Variants in DOCK1 observed in about 807,000 individuals in gnomAD.
The protein encoded by DOCK1 is dedicator of cytokinesis protein 1.
In DOCK1, 138 loss-of-function variants were observed where a neutral mutation model predicts 262.7. The ratio of observed to expected loss-of-function variants is 0.53; its 90% CI spans 0.46 to 0.61. The LOEUF (loss-of-function observed/expected upper bound fraction) is 0.61, where lower values mean the gene tolerates loss of function less well. DOCK1 is among the 20% of genes least tolerant of loss of function. DOCK1 has a pLI of 0.00. For missense variants in DOCK1, 1,908 were observed against 2,370.7 expected (o/e 0.80, Z 4.05); for synonymous variants, 866 against 867.4 (o/e 1.00, Z 0.03).
chr10:127,121,142 A>T (rs1282027107), intron 25 of DOCK1, among the ~76,000 whole-genome samples: 1 of 152,120 alleles, frequency 6.6e-6, no homozygotes, highest in Non-Finnish European at 1.5e-5. Context: ...AAAGTGACCC[A>T]GGTTCCTGGA....
At chr10:127,133,799 A>T (rs1218040691) in intron 27 of DOCK1, among the ~76,000 whole-genome samples, 1 of 152,248 alleles carries the variant, frequency 6.6e-6, no homozygotes, top group Admixed American at 6.5e-5. Flanking sequence ...TAGCATGATG[A>T]CTTTATGCCA....
intron 27 of DOCK1, among the ~76,000 whole-genome samples, chr10:127,148,816 G>A (rs1244082112): frequency 2.0e-5 from 3 of 152,164 alleles, no homozygotes; most frequent in Non-Finnish European, 2.9e-5. Context: ...TAAAGAAAAC[G>A]GAAACTGGAA....
intron 29 of DOCK1, among the ~76,000 whole-genome samples, chr10:127,335,408 A>G (rs1279813816): frequency 1.3e-5 from 2 of 152,162 alleles, no homozygotes; most frequent in Admixed American, 6.5e-5. Flanking sequence ...CTCCCATCCA[A>G]ACACTTGGCT....
intron 23 of DOCK1, among the ~76,000 whole-genome samples, chr10:127,093,500 G>A (rs1000718702): frequency 1.7e-4 from 26 of 151,574 alleles, no homozygotes; most frequent in African/African-American, 5.8e-4. Flanking sequence ...TCACAGACGC[G>A]TGCCATTGCG....
intron 10 of DOCK1, among the ~76,000 whole-genome samples, chr10:127,006,958 T>A (rs2041075713): frequency 6.6e-6 from 1 of 152,110 alleles, no homozygotes; most frequent in Non-Finnish European, 1.5e-5. Flanking sequence ...GATGCTGAAC[T>A]GGTGGTCTCG....
At chr10:127,195,373 A>G (rs1254561148) in intron 27 of DOCK1, among the ~76,000 whole-genome samples, 1 of 152,106 alleles carries the variant, frequency 6.6e-6, no homozygotes, top group African/African-American at 2.4e-5. Flanking sequence ...GGCACCGGGA[A>G]GCCCCGCGGC....
chr10:127,361,927 A>T (rs1193157870), intron 32 of DOCK1, 137 bp from the exon 33 acceptor site: 3 of 961,830 alleles, frequency 3.1e-6, no homozygotes, highest in South Asian at 3.7e-5. Flanking sequence ...TCATCTGCAG[A>T]CGCGAAATGG....
chr10:126,929,681 C>G lies in DOCK1; in HGVS notation c.46+24118C>G, dbSNP rs988920723. Among the ~76,000 whole-genome samples the G allele has an allele frequency of 3.0e-4, 46 of 152,018 alleles. 1 individual carries two copies. Among genetic ancestry groups the G allele is most frequent in the Non-Finnish European group, 6.2e-4 (42 of 68,002 alleles). On this transcript the variant is annotated intron_variant, in intron 1 of 51. Coordinates refer to ENST00000623213, the MANE Select transcript of DOCK1 (RefSeq NM_001290223.2). Reference sequence around the variant, plus strand: ...GCTCAGGCCCGTTTAACAGGTAGGACTTTTGTCCTGAGAACCTCAGGATGG... The same window carrying G: ...GCTCAGGCCCGTTTAACAGGTAGGAGTTTTGTCCTGAGAACCTCAGGATGG...
At chr10:127,219,934 C>T (rs2058362412) in intron 27 of DOCK1, among the ~76,000 whole-genome samples, 1 of 152,080 alleles carries the variant, frequency 6.6e-6, no homozygotes, top group Non-Finnish European at 1.5e-5. Flanking sequence ...TCCTGTGCAC[C>T]ATTCACAGGA....
At position 127,147,803 on chromosome 10, in the gene DOCK1, C is replaced by T. The variant is rs182425969; in HGVS notation, c.2847+20039C>T. ...ATCCTAGCACTTTGGGAAGTCGAGG[C>T]GGGTGGATCATGAGGTCAGGAGTTT... On this transcript the variant is annotated intron_variant, in intron 27 of 51. Coordinates refer to ENST00000623213, the MANE Select transcript of DOCK1 (RefSeq NM_001290223.2). Among the ~76,000 whole-genome samples, 1,071 of 151,708 alleles carry T rather than the reference C, an allele frequency of 7.1e-3. 11 individuals carry two copies. Among genetic ancestry groups the T allele is most frequent in the African/African-American group, 0.024 (1,003 of 41,370 alleles).
intron 29 of DOCK1, among the ~76,000 whole-genome samples, chr10:127,299,892 C>T (rs181161516): frequency 4.6e-5 from 7 of 152,314 alleles, no homozygotes; most frequent in Non-Finnish European, 8.8e-5. Context: ...TTTTCTCTTG[C>T]CTTTCTGAAG....
intron 46 of DOCK1, among the ~76,000 whole-genome samples, chr10:127,423,244 G>A (rs1335042672): frequency 6.6e-6 from 1 of 152,140 alleles, no homozygotes; most frequent in East Asian, 1.9e-4. Context: ...GTTTTTTCCT[G>A]AAACTATCAG....
intron 24 of DOCK1, among the ~76,000 whole-genome samples, chr10:127,106,816 G>C (rs12254533): frequency 0.16 from 23,947 of 152,060 alleles, 2,242 homozygotes; most frequent in African/African-American, 0.26. Flanking sequence ...TCAGACCAAG[G>C]AGTGAGATTG....
chr10:127,205,051 T>A (rs147213226), intron 27 of DOCK1, among the ~76,000 whole-genome samples: 1 of 152,130 alleles, frequency 6.6e-6, no homozygotes, highest in Non-Finnish European at 1.5e-5. Context: ...TTGATGGTTT[T>A]TTTTTTCTTC....
intron 25 of DOCK1, among the ~76,000 whole-genome samples, chr10:127,112,495 C>G (rs1239734935): frequency 1.3e-5 from 2 of 152,150 alleles, no homozygotes; most frequent in Non-Finnish European, 1.5e-5. Flanking sequence ...CTTAGACAGC[C>G]TGAAGTCCTG....
intron 27 of DOCK1, among the ~76,000 whole-genome samples, chr10:127,236,500 G>T (rs113796075): frequency 7.5e-5 from 5 of 66,792 alleles, no homozygotes; most frequent in Non-Finnish European, 1.1e-4. Flanking sequence ...CTTGACACGG[G>T]TTTTTTTTTT....
intron 29 of DOCK1, among the ~76,000 whole-genome samples, chr10:127,300,310 T>C (rs1340043341): frequency 6.6e-6 from 1 of 152,212 alleles, no homozygotes; most frequent in Non-Finnish European, 1.5e-5. Flanking sequence ...GTTGTCTGTC[T>C]CCTCTCTTGT....
Position 127,106,403 on chromosome 10 carries a change from A to C in DOCK1, c.2516+102A>C. On this transcript the variant is annotated intron_variant, in intron 24 of 51. Transcript: ENST00000623213. ...GCTCAGGGTTCTGCCTCATGTCTCC[A>C]TATGTCAGTGCCCTGGATCATTCTG... 2.4e-6 allele frequency: 3 copies of C among 1,227,772 alleles called. No individual in the cohort carries two copies. The South Asian group carries it at 4.3e-5, about 18-fold the overall frequency. The allele number at this position is 1,227,772 out of a possible 1,614,324, so 76.1% of individuals were successfully genotyped here. A position where few individuals can be genotyped will look rare whatever the true frequency, so the allele number is the denominator to read the frequency against.
intron 23 of DOCK1, among the ~76,000 whole-genome samples, chr10:127,078,510 G>A (rs59644281): frequency 6.6e-6 from 1 of 152,002 alleles, no homozygotes; most frequent in African/African-American, 2.4e-5. Context: ...CTGAAGAGGC[G>A]AGAGTGTCAT....
Sources: gnomAD v4.1 joint callset for allele counts (sites outside exome capture counted in the v4.1 genomes callset) on GRCh38, gnomAD v4.1.1 for gene constraint, MANE v1.5 for transcripts, NCBI Gene and HGNC (gene_info 2026-07-23, HGNC 2026-07-21) for gene names.